ZNF749: variants seen among roughly 807,000 people sequenced by gnomAD.
ZNF749 encodes zinc finger protein 749.
Under a neutral mutation model 7.3 loss-of-function variants are expected in ZNF749, and 8 were observed. The ratio of observed to expected loss-of-function variants is 1.10; its 90% CI spans 0.64 to 1.98. The LOEUF is 1.98. ZNF749 is among the 30% of genes most tolerant of loss of function. The probability of loss-of-function intolerance (pLI) is 0.00; values close to 1 mark genes in which losing one functional copy is unlikely to be tolerated. For missense variants in ZNF749, 898 were observed against 932.4 expected (o/e 0.96, Z 0.48); for synonymous variants, 310 against 322.4 (o/e 0.96, Z 0.41).
Position 57,446,639 on chromosome 19 carries a change from G to C in ZNF749, c.*1154G>C, listed in dbSNP as rs372256444. ...CCGAATAAAATCCCATTGTAGTCATGTGTCGCCTAACAAGAGGACTGTGTT... is the reference window on the plus strand; with the variant it reads ...CCGAATAAAATCCCATTGTAGTCATCTGTCGCCTAACAAGAGGACTGTGTT... On this transcript the variant is annotated 3_prime_UTR_variant, in exon 3 of 3. Coordinates refer to ENST00000334181, the MANE Select transcript of ZNF749 (RefSeq NM_001023561.4). Among the ~76,000 whole-genome samples, 390 of 152,206 alleles carry C rather than the reference G, an allele frequency of 2.6e-3. 5 individuals are homozygous for C. The highest frequency in any genetic ancestry group is 9.0e-3 in the African/African-American group (374 of 41,528).
In ZNF749 at chr19:57,442,955, CCATGA is replaced by C. The variant is rs2089007671; in HGVS notation, c.143-335_143-331del. Among the ~76,000 whole-genome samples the C allele has an allele frequency of 6.6e-6, 1 of 152,194 alleles. No homozygotes were observed. The highest frequency in any genetic ancestry group is 2.4e-5 in the African/African-American group (1 of 41,422). Reference sequence around the variant, plus strand: ...AGGTCTGCGTGTATCCTTCAGTAGTCCATGAATACTCGCTCTCACACAATCAGATC... The same window carrying C: ...AGGTCTGCGTGTATCCTTCAGTAGTCATACTCGCTCTCACACAATCAGATC... On this transcript the variant is annotated intron_variant, in intron 2 of 2. Transcript: ENST00000334181. This position sits in a 1 kb window ranked among gnomAD's most constrained non-coding sequence, Gnocchi z 6.6.
rs1184947305 is a variant in ZNF749, at chr19:57,445,409, G to C, written c.2261G>C (p.Gly754Ala). The C allele has an allele frequency of 6.2e-7, 1 of 1,613,866 alleles. No individual in the cohort carries two copies. Among genetic ancestry groups the C allele is most frequent in the Non-Finnish European group, 8.5e-7 (1 of 1,179,882 alleles). The change falls in exon 3 of 3, where the codon GGT (glycine) becomes GCT (alanine). Residue 754 changes from glycine to alanine, a missense_variant. Physicochemically the swap from Gly to Ala is moderately conservative, Grantham distance 60 (BLOSUM62 0). Transcript: ENST00000334181. ...THTGERSYEC[G>A]ESSKVFKYNS... ...ACTGGAGAAAGGTCTTATGAGTGTG[G>C]TGAATCCAGCAAAGTGTTTAAATAC...
Position 57,444,334 on chromosome 19 carries a change from A to C in ZNF749, c.1186A>C (p.Thr396Pro), listed in dbSNP as rs2089031846. The C allele has an allele frequency of 6.2e-7, 1 of 1,614,048 alleles. No homozygotes were observed. Among genetic ancestry groups the C allele is most frequent in the African/African-American group, 1.3e-5 (1 of 74,914 alleles). Residue 396 changes from threonine (T) to proline (P), a missense_variant, in exon 3 of 3, where the codon ACA becomes CCA. Coordinates refer to ENST00000334181, the MANE Select transcript of ZNF749 (RefSeq NM_001023561.4). Reference protein sequence around the residue: ...ICGKFFSHRSTLNMHQRVHAG... With the variant: ...ICGKFFSHRSPLNMHQRVHAG... ...TGGAAAATTCTTTAGTCACCGCTCCACACTCAATATGCACCAGAGAGTTCA... is the reference window on the plus strand; with the variant it reads ...TGGAAAATTCTTTAGTCACCGCTCCCCACTCAATATGCACCAGAGAGTTCA...
chr19:57,444,998 G>T lies in ZNF749; in HGVS notation c.1850G>T (p.Cys617Phe), dbSNP rs763226440. Reference protein sequence around the residue: ...TGEKPYKCSKCGKFFRYRCTL... With the variant: ...TGEKPYKCSKFGKFFRYRCTL... ...GAAAAGCCTTATAAATGCAGCAAAT[G>T]TGGGAAATTCTTTAGATATCGCTGT... The change falls in exon 3 of 3, where the codon TGT becomes TTT. Residue 617 changes from cysteine (C) to phenylalanine (F), a missense_variant. Physicochemically the swap from Cys to Phe is radical, Grantham distance 205. Transcript: ENST00000334181. 1.2e-5 allele frequency: 19 copies of T among 1,614,186 alleles called. No homozygotes were observed. The Admixed American group carries it at 2.3e-4, about 20-fold the overall frequency.
chr19:57,438,744 G>GTT (rs1661575071), intron 1 of ZNF749, among the ~76,000 whole-genome samples: 1 of 152,146 alleles, frequency 6.6e-6, no homozygotes, highest in African/African-American at 2.4e-5. Context: ...GAAACTTCAT[G>GTT]TTTTTCCCTT....
intron 1 of ZNF749, chr19:57,438,127 A>C: frequency 2.5e-6 from 1 of 398,896 alleles, no homozygotes; most frequent in East Asian, 3.6e-5. Flanking sequence ...GTCGTGATCA[A>C]CTCAGTATGC....
chr19:57,443,335 T>A lies in ZNF749; in HGVS notation c.187T>A (p.Cys63Ser). 1 of 1,613,624 alleles carries A rather than the reference T, an allele frequency of 6.2e-7. No individual in the cohort carries two copies. The highest frequency in any genetic ancestry group is 1.1e-5 in the South Asian group (1 of 91,020). The stretch of plus-strand genomic sequence containing the variant: ...GGATGAGGAGGTACCTTCCAAGCAG[T>A]GTGTTTCTGTAAGAGTGTTACAGGT... ...AKDEEVPSKQ[C>S]VSVRVLQVTI... is the part of the protein sequence containing the mutation. Residue 63 changes from cysteine to serine, a missense_variant, in exon 3 of 3, where the codon TGT becomes AGT. Coordinates refer to ENST00000334181, the MANE Select transcript of ZNF749 (RefSeq NM_001023561.4).
Position 57,443,479 on chromosome 19 carries a change from C to G in ZNF749, c.331C>G (p.Leu111Val). ...EHDGTHPEQG[L>V]YTCAAEHDLH... is the part of the protein sequence containing the mutation. Reference sequence around the variant, plus strand: ...CGATGGAACACACCCTGAGCAAGGGCTGTACACATGTGCAGCAGAGCATGA... The same window carrying G: ...CGATGGAACACACCCTGAGCAAGGGGTGTACACATGTGCAGCAGAGCATGA... Residue 111 changes from leucine to valine, a missense_variant, in exon 3 of 3, where the codon CTG becomes GTG. Transcript: ENST00000334181. The G allele has an allele frequency of 6.2e-7, 1 of 1,614,192 alleles. No individual in the cohort carries two copies. Among genetic ancestry groups the G allele is most frequent in the African/African-American group, 1.3e-5 (1 of 75,068 alleles).
chr19:57,446,814 G>C lies in ZNF749; in HGVS notation c.*1329G>C, dbSNP rs371389631. Reference sequence around the variant, plus strand: ...AACCTTAACAGCATGTTACAGTATTGAATATTGTAGGTAATTGAAACACAA... The same window carrying C: ...AACCTTAACAGCATGTTACAGTATTCAATATTGTAGGTAATTGAAACACAA... On this transcript the variant is annotated 3_prime_UTR_variant, in exon 3 of 3. Coordinates refer to ENST00000334181, the MANE Select transcript of ZNF749 (RefSeq NM_001023561.4). Among the ~76,000 whole-genome samples, 9 of 152,248 alleles carry C rather than the reference G, an allele frequency of 5.9e-5. No homozygotes were observed. In the South Asian group the frequency reaches 1.7e-3, roughly 28 times the overall value.
Position 57,445,059 on chromosome 19 carries a change from A to G in ZNF749, c.1911A>G (p.Glu637=). 6.2e-7 allele frequency: 1 copy of G among 1,614,114 alleles called. No homozygotes were observed. The highest frequency in any genetic ancestry group is 8.5e-7 in the Non-Finnish European group (1 of 1,180,014). ...LSRHQKVHTG[E]RPYECSECGK... ...GACATCAGAAAGTTCACACTGGAGA[A>G]AGACCTTATGAGTGTAGTGAATGTG... Residue 637 remains glutamate (E), a synonymous_variant, in exon 3 of 3, where the codon GAA becomes GAG. Transcript: ENST00000334181.
chr19:57,434,174 C>T (rs1258672747), upstream of ZNF749, among the ~76,000 whole-genome samples: 28 of 152,232 alleles, frequency 1.8e-4, no homozygotes, highest in Admixed American at 8.5e-4. Flanking sequence ...CTCGGCTCAC[C>T]GTAACCTCCG....
At chr19:57,434,737 CAGAA>C (rs2088917567), upstream of ZNF749, among the ~76,000 whole-genome samples, 1 of 152,276 alleles carries the variant, frequency 6.6e-6, no homozygotes, top group Admixed American at 6.5e-5. Context: ...TTTTCGTCGA[CAGAA>C]AGATATTCCT....
intron 1 of ZNF749, 60 bp from the exon 2 acceptor site, chr19:57,441,825 G>A: frequency 1.2e-6 from 2 of 1,600,522 alleles, no homozygotes; most frequent in Non-Finnish European, 1.7e-6. Context: ...GATAAATACA[G>A]ATCTAAGGAA....
At chr19:57,440,909 C>T (rs1051191641) in intron 1 of ZNF749, among the ~76,000 whole-genome samples, 2 of 151,894 alleles carry the variant, frequency 1.3e-5, no homozygotes, top group South Asian at 2.1e-4. Flanking sequence ...AGGTGGATCA[C>T]GAGGTCAGGA....
In ZNF749 at chr19:57,443,858, C is replaced by A. The variant is rs765279088; in HGVS notation, c.710C>A (p.Ser237Tyr). The A allele has an allele frequency of 6.2e-7, 1 of 1,613,612 alleles. No homozygotes were observed. Among genetic ancestry groups the A allele is most frequent in the South Asian group, 1.1e-5 (1 of 91,074 alleles). The stretch of plus-strand genomic sequence containing the variant: ...TGTGGGGAATTGTTTAGGTACAACT[C>A]CAACCTTATTAAATATCAGCAAAAT... ...SECGELFRYN[S>Y]NLIKYQQNHA... Residue 237 changes from serine to tyrosine, a missense_variant, in exon 3 of 3, where the codon TCC becomes TAC. Physicochemically the swap from Ser to Tyr is moderately radical, Grantham distance 144 (BLOSUM62 -2). Transcript: ENST00000334181.
upstream of ZNF749, among the ~76,000 whole-genome samples, chr19:57,433,601 G>A (rs534346604): frequency 1.3e-5 from 2 of 150,694 alleles, no homozygotes; most frequent in South Asian, 4.2e-4. Flanking sequence ...CCTTCAGTTG[G>A]GCAGAGTTAA....
chr19:57,440,061 T>G (rs2088972243), intron 1 of ZNF749, among the ~76,000 whole-genome samples: 1 of 151,916 alleles, frequency 6.6e-6, no homozygotes, highest in Admixed American at 6.6e-5. Context: ...AGGGTATGTG[T>G]GTGTATGTTT....
At chr19:57,441,338 C>G (rs1419883891) in intron 1 of ZNF749, among the ~76,000 whole-genome samples, 1 of 151,962 alleles carries the variant, frequency 6.6e-6, no homozygotes, top group Non-Finnish European at 1.5e-5. Context: ...TGGGGAAGCA[C>G]TGAAGATTCT....
In ZNF749 at chr19:57,436,601, C is replaced by G. The variant is rs1348587972; in HGVS notation, c.15+1008C>G. On this transcript the variant is annotated intron_variant, in intron 1 of 2. Transcript: ENST00000334181. This position sits in a 1 kb window ranked among gnomAD's most constrained non-coding sequence, Gnocchi z 4.0. ...TTGTAGTCACTCCACCCTTCTAACT[C>G]AGCTGGCCCTGAGGGCCACTCTTTA... is the stretch of plus-strand genomic sequence containing the variant. Among the ~76,000 whole-genome samples the G allele has an allele frequency of 6.6e-6, 1 of 152,208 alleles. No individual in the cohort carries two copies. Among genetic ancestry groups the G allele is most frequent in the Non-Finnish European group, 1.5e-5 (1 of 68,046 alleles).
Sources: gnomAD v4.1 joint callset for allele counts (sites outside exome capture counted in the v4.1 genomes callset) on GRCh38, gnomAD v4.1.1 for gene constraint, Gnocchi (gnomAD v3.1) non-coding constraint, MANE v1.5 for transcripts, NCBI Gene and HGNC (gene_info 2026-07-23, HGNC 2026-07-21) for gene names.